Variants in ASPRV1 observed in about 807,000 individuals in gnomAD.
ASPRV1 encodes the protein retroviral-like aspartic protease 1.
ASPRV1 carries 7 observed loss-of-function variants against 11.0 expected under a neutral mutation model. The ratio of observed to expected loss-of-function variants is 0.64; its 90% CI spans 0.36 to 1.20. The LOEUF is 1.20. Among genes scored for constraint, ASPRV1 ranks in the 50% most tolerant of loss-of-function variants. The probability of loss-of-function intolerance (pLI) is 0.02; values close to 1 mark genes in which losing one functional copy is unlikely to be tolerated. For missense variants in ASPRV1, 299 were observed against 320.0 expected (o/e 0.93, Z 0.50); for synonymous variants, 136 against 138.4 (o/e 0.98, Z 0.12).
the ASPRV1 span, among the ~76,000 whole-genome samples, chr2:70,029,730 G>A: frequency 6.6e-6 from 1 of 152,138 alleles, no homozygotes; most frequent in Non-Finnish European, 1.5e-5. Context: ...CTTGTCAGAA[G>A]CAGGTAAGCA....
At chr2:70,084,643 A>C in the ASPRV1 span, among the ~76,000 whole-genome samples, 1 of 152,246 alleles carries the variant, frequency 6.6e-6, no homozygotes, top group Non-Finnish European at 1.5e-5. Flanking sequence ...ATATATAAAG[A>C]ATAGAAATTA....
chr2:69,962,224 A>G (rs571321072), upstream of ASPRV1: 1,365 of 166,510 alleles, frequency 8.2e-3, 56 homozygotes, highest in Admixed American at 0.073. Context: ...ACACACACAC[A>G]CACACACGTG....
At chr2:70,004,064 A>T in the ASPRV1 span, among the ~76,000 whole-genome samples, 1 of 152,168 alleles carries the variant, frequency 6.6e-6, no homozygotes, top group South Asian at 2.1e-4. Flanking sequence ...GTTTGAGAGG[A>T]ATCCCACACT....
At chr2:70,084,888 T>A in the ASPRV1 span, among the ~76,000 whole-genome samples, 1 of 152,342 alleles carries the variant, frequency 6.6e-6, no homozygotes, top group African/African-American at 2.4e-5. Flanking sequence ...TTCGTAGAGT[T>A]ATATAAACTA....
downstream of ASPRV1, among the ~76,000 whole-genome samples, chr2:69,957,872 C>A (rs1429504231): frequency 6.6e-6 from 1 of 152,188 alleles, no homozygotes; most frequent in Non-Finnish European, 1.5e-5. Context: ...ACTGATCCTG[C>A]ATCCTCCTTT....
the ASPRV1 span, chr2:69,937,250 G>A: frequency 8.1e-6 from 13 of 1,613,850 alleles, no homozygotes; most frequent in African/African-American, 1.3e-5. Flanking sequence ...TGAAGATTGT[G>A]ACAGAAAAGC....
At chr2:70,084,948 C>T in the ASPRV1 span, among the ~76,000 whole-genome samples, 1 of 152,104 alleles carries the variant, frequency 6.6e-6, no homozygotes, top group South Asian at 2.1e-4. Flanking sequence ...AAGTTAAAGG[C>T]AAAAAGCCCT....
chr2:70,027,930 C>T, the ASPRV1 span, among the ~76,000 whole-genome samples: 1 of 152,152 alleles, frequency 6.6e-6, no homozygotes, highest in African/African-American at 2.4e-5. Flanking sequence ...ATCAGAATAT[C>T]ACATGTACCC....
the ASPRV1 span, among the ~76,000 whole-genome samples, chr2:70,003,616 C>A: frequency 2.0e-5 from 3 of 152,196 alleles, no homozygotes; most frequent in Admixed American, 1.3e-4. Context: ...ACAGAACATT[C>A]CTTTGGAAGC....
chr2:69,935,151 C>T, the ASPRV1 span, among the ~76,000 whole-genome samples: 1 of 152,204 alleles, frequency 6.6e-6, no homozygotes, highest in African/African-American at 2.4e-5. Context: ...GACTTAGCTT[C>T]GAAAACCTTG....
At chr2:70,048,574 G>A in the ASPRV1 span, 863 of 152,412 alleles carry the variant, frequency 5.7e-3, 4 homozygotes, top group Non-Finnish European at 7.8e-3. Context: ...GGCCTACAGA[G>A]ATCTCAAAGT....
At chr2:69,951,453 G>A in the ASPRV1 span, among the ~76,000 whole-genome samples, 3 of 106,504 alleles carry the variant, frequency 2.8e-5, no homozygotes, top group African/African-American at 4.5e-5. Flanking sequence ...GTGAGTGTGT[G>A]TGTGTGTGTG....
chr2:70,018,934 T>C, the ASPRV1 span: 4 of 152,136 alleles, frequency 2.6e-5, no homozygotes, highest in Non-Finnish European at 4.4e-5. Context: ...ACTGAAACCC[T>C]TCCACACAGT....
the ASPRV1 span, among the ~76,000 whole-genome samples, chr2:70,033,902 C>G: frequency 2.6e-5 from 4 of 152,054 alleles, no homozygotes; most frequent in African/African-American, 9.7e-5. Context: ...CGCCTGTAAT[C>G]CCAGCACTTT....
At chr2:69,972,002 G>A in the ASPRV1 span, among the ~76,000 whole-genome samples, 16 of 152,032 alleles carry the variant, frequency 1.1e-4, no homozygotes, top group African/African-American at 3.9e-4. Context: ...ACTGCACCTG[G>A]TTACACTCGA....
At chr2:70,059,323 T>A in the ASPRV1 span, among the ~76,000 whole-genome samples, 6 of 151,650 alleles carry the variant, frequency 4.0e-5, no homozygotes, top group Admixed American at 1.3e-4. Flanking sequence ...CTGGGCTACA[T>A]GTGCAGAACA....
chr2:70,044,546 G>A, the ASPRV1 span, among the ~76,000 whole-genome samples: 2 of 152,150 alleles, frequency 1.3e-5, no homozygotes, highest in East Asian at 3.9e-4. Flanking sequence ...GGCAACCACC[G>A]CCTCGCGGAT....
chr2:70,079,597 GAGA>G, the ASPRV1 span, among the ~76,000 whole-genome samples: 1 of 152,120 alleles, frequency 6.6e-6, no homozygotes, highest in South Asian at 2.1e-4. Context: ...AAAAAAAGTT[GAGA>G]AGGAGGAACC....
Position 69,961,355 on chromosome 2 carries a change from C to G in ASPRV1, c.82G>C (p.Val28Leu). 6.2e-7 allele frequency: 1 copy of G among 1,614,076 alleles called. No homozygotes were observed. Among genetic ancestry groups the G allele is most frequent in the Non-Finnish European group, 8.5e-7 (1 of 1,180,026 alleles). Residue 28 changes from valine (V) to leucine (L), a missense_variant, in exon 1 of 1, where the codon GTC becomes CTC. By Grantham distance (32) the Val-to-Leu change is conservative. Coordinates refer to ENST00000320256, the MANE Select transcript of ASPRV1 (RefSeq NM_152792.4). Reference sequence around the variant, plus strand: ...AAGCTGTGCAGCCAGAGGTTTGGGACGACATTGGCCCCATCAAAAGGTTCC... The same window carrying G: ...AAGCTGTGCAGCCAGAGGTTTGGGAGGACATTGGCCCCATCAAAAGGTTCC... Reference protein sequence around the residue: ...VPEPFDGANVVPNLWLHSFEV... With the variant: ...VPEPFDGANVLPNLWLHSFEV...
Sources: allele counts gnomAD v4.1 joint callset (sites outside exome capture counted in the v4.1 genomes callset), GRCh38; gene constraint gnomAD v4.1.1; transcripts MANE v1.5; gene names NCBI Gene and HGNC (gene_info 2026-07-23, HGNC 2026-07-21).